LHFPL3: variants seen among roughly 807,000 people sequenced by gnomAD.
The protein encoded by LHFPL3 is LHFPL tetraspan subfamily member 3, also known as LHFPL tetraspan subfamily member 3 protein.
In LHFPL3, 5 loss-of-function variants were observed where a neutral mutation model predicts 19.3. The observed-to-expected ratio is 0.26, with a 90% CI of 0.14 to 0.54. LHFPL3 has a LOEUF of 0.54. Ranked by LOEUF, LHFPL3 falls within the 20% of genes least tolerant of loss-of-function variation. The pLI is 0.94. For synonymous variants in LHFPL3, 133 were observed against 126.2 expected, an observed-to-expected ratio of 1.05 and a Z score of -0.36; for missense variants, 249 against 307.4, an observed-to-expected ratio of 0.81 and a Z score of 1.42.
intron 1 of LHFPL3, among the ~76,000 whole-genome samples, chr7:104,628,579 A>G (rs886152565): frequency 6.6e-6 from 1 of 152,192 alleles, no homozygotes; most frequent in Non-Finnish European, 1.5e-5. Context: ...GGAATACTAA[A>G]TTTGGGTGAC....
In LHFPL3 at chr7:104,638,999, A is replaced by G. The variant is rs141832676; in HGVS notation, c.446-97676A>G. Reference sequence around the variant, plus strand: ...AGGGTGGTCTCAAACTCCTGAGCTCAAGTGATCCTCCCCACTCAGCCTCCC... The same window carrying G: ...AGGGTGGTCTCAAACTCCTGAGCTCGAGTGATCCTCCCCACTCAGCCTCCC... On this transcript the variant is annotated intron_variant, in intron 1 of 2. Transcript: ENST00000424859. Among the ~76,000 whole-genome samples, 683 of 151,960 alleles carry G rather than the reference A, an allele frequency of 4.5e-3. 42 individuals are homozygous for G. The East Asian group carries it at 0.11, about 25-fold the overall frequency.
intron 1 of LHFPL3, among the ~76,000 whole-genome samples, chr7:104,338,948 T>C (rs1789892256): frequency 6.6e-6 from 1 of 152,214 alleles, no homozygotes; most frequent in South Asian, 2.1e-4. Flanking sequence ...CTCATTTTCT[T>C]GATTAAGAAA....
chr7:104,801,451 C>A (rs954874920), intron 2 of LHFPL3, among the ~76,000 whole-genome samples: 1 of 152,176 alleles, frequency 6.6e-6, no homozygotes, highest in Non-Finnish European at 1.5e-5. Context: ...TGAATGTAAC[C>A]AGGAAAGTGG....
At chr7:104,814,257 G>A (rs1453919897) in intron 2 of LHFPL3, among the ~76,000 whole-genome samples, 1 of 152,052 alleles carries the variant, frequency 6.6e-6, no homozygotes, top group Non-Finnish European at 1.5e-5. Context: ...CCCATCATCT[G>A]CACAGCTCTC....
At chr7:104,716,531 A>G (rs1029680380) in intron 1 of LHFPL3, among the ~76,000 whole-genome samples, 4 of 152,238 alleles carry the variant, frequency 2.6e-5, no homozygotes, top group South Asian at 4.1e-4. Context: ...TACAGTAACA[A>G]TGAACTATCT....
chr7:104,824,539 A>T (rs1304389811), intron 2 of LHFPL3, among the ~76,000 whole-genome samples: 2 of 72,746 alleles, frequency 2.7e-5, no homozygotes, highest in Non-Finnish European at 4.7e-5. Flanking sequence ...TATAATATAT[A>T]TAATTATATA....
At chr7:104,475,103 C>T (rs190024104) in intron 1 of LHFPL3, among the ~76,000 whole-genome samples, 2 of 152,332 alleles carry the variant, frequency 1.3e-5, no homozygotes, top group East Asian at 1.9e-4. Flanking sequence ...AATCCTTCCT[C>T]ATATTTAAAA....
intron 1 of LHFPL3, among the ~76,000 whole-genome samples, chr7:104,472,657 C>T (rs188753953): frequency 1.3e-5 from 2 of 152,112 alleles, no homozygotes; most frequent in South Asian, 2.1e-4. Context: ...TTATGTAACT[C>T]GTTTTTTTCA....
chr7:104,576,447 G>A (rs1188095118), intron 1 of LHFPL3, among the ~76,000 whole-genome samples: 1 of 152,118 alleles, frequency 6.6e-6, no homozygotes. Context: ...GAAGGGAGCT[G>A]GTGGTGATTA....
At chr7:104,333,434 C>T (rs1801607414) in intron 1 of LHFPL3, among the ~76,000 whole-genome samples, 1 of 152,076 alleles carries the variant, frequency 6.6e-6, no homozygotes, top group African/African-American at 2.4e-5. Context: ...GAGATGAGGA[C>T]AGAATGGGTT....
chr7:104,746,327 C>T (rs1794046091), intron 2 of LHFPL3, among the ~76,000 whole-genome samples: 1 of 151,908 alleles, frequency 6.6e-6, no homozygotes, highest in South Asian at 2.1e-4. Context: ...AAAAAGTATT[C>T]CAGGGATTGG....
rs994348050 is a variant in LHFPL3 at position 104,419,933 on chromosome 7, C to A, written c.445+90709C>A. On this transcript the variant is annotated intron_variant, in intron 1 of 2. Transcript: ENST00000424859. ...GTTCTATCCTTGATAAATTTACTTA[C>A]ATCCTCAGTCTCCCAGAGTTAAAAA... 2.0e-5 allele frequency among the ~76,000 whole-genome samples: 3 copies of A among 152,240 alleles called. 1 individual carries two copies. The highest frequency in any genetic ancestry group is 7.2e-5 in the African/African-American group (3 of 41,546).
intron 1 of LHFPL3, among the ~76,000 whole-genome samples, chr7:104,706,028 C>A (rs1290467870): frequency 2.6e-5 from 4 of 152,194 alleles, no homozygotes; most frequent in Non-Finnish European, 5.9e-5. Flanking sequence ...GCCCTCCAGG[C>A]TCTGCCAGCA....
At chr7:104,478,834 A>T (rs906649208) in intron 1 of LHFPL3, among the ~76,000 whole-genome samples, 2 of 152,240 alleles carry the variant, frequency 1.3e-5, no homozygotes, top group Admixed American at 6.5e-5. Context: ...GGATAGCAGG[A>T]ATGTCATGTG....
chr7:104,689,768 G>C (rs1792874969), intron 1 of LHFPL3, among the ~76,000 whole-genome samples: 1 of 152,188 alleles, frequency 6.6e-6, no homozygotes, highest in South Asian at 2.1e-4. Context: ...TGGTCCTCCA[G>C]TTACAGTAGA....
intron 1 of LHFPL3, among the ~76,000 whole-genome samples, chr7:104,338,868 T>G (rs192176557): frequency 6.6e-6 from 1 of 152,372 alleles, no homozygotes; most frequent in Admixed American, 6.5e-5. Flanking sequence ...TTTAACCTTG[T>G]GTCAAGTGGA....
At chr7:104,710,468 ATTCTAAT>A (rs1308049550) in intron 1 of LHFPL3, among the ~76,000 whole-genome samples, 1 of 152,196 alleles carries the variant, frequency 6.6e-6, no homozygotes, top group African/African-American at 2.4e-5. Context: ...CCGGTTGGAT[ATTCTAAT>A]TTTACTGTCA....
At chr7:104,903,490 C>T (rs938266931) in intron 2 of LHFPL3, among the ~76,000 whole-genome samples, 2 of 141,624 alleles carry the variant, frequency 1.4e-5, no homozygotes, top group African/African-American at 2.7e-5. Context: ...TTTGAGACAG[C>T]GTCTTGCTCT....
At chr7:104,522,589 A>C (rs1217203696) in intron 1 of LHFPL3, among the ~76,000 whole-genome samples, 1 of 152,170 alleles carries the variant, frequency 6.6e-6, no homozygotes, top group African/African-American at 2.4e-5. Context: ...ACAAAGTGTA[A>C]GGAATTTTAT....
Sources: allele counts gnomAD v4.1 joint callset (sites outside exome capture counted in the v4.1 genomes callset), GRCh38; gene constraint gnomAD v4.1.1; transcripts MANE v1.5; gene names NCBI Gene and HGNC (gene_info 2026-07-23, HGNC 2026-07-21).